The following TCF7L1 variants were observed in gnomAD, a reference collection of about 807,000 sequenced individuals.
The protein encoded by TCF7L1 is transcription factor 7 like 1, also known as transcription factor 7-like 1.
A neutral mutation model predicts 63.7 loss-of-function variants in TCF7L1; 18 were observed. That is an observed-to-expected ratio of 0.28 (90% CI 0.20 to 0.42). The LOEUF (loss-of-function observed/expected upper bound fraction) is 0.42, where lower values mean the gene tolerates loss of function less well. Among genes scored for constraint, TCF7L1 ranks in the 10% least tolerant of loss-of-function variants. The pLI, the probability that TCF7L1 is intolerant of heterozygous loss-of-function variation, is 1.00. For missense variants in TCF7L1, 654 were observed against 779.3 expected (o/e 0.84, Z 1.91); for synonymous variants, 355 against 340.9 (o/e 1.04, Z -0.46).
chr2:85,233,718 T>C (rs1680131229), intron 3 of TCF7L1: 1 of 152,206 alleles, frequency 6.6e-6, no homozygotes, highest in Non-Finnish European at 1.5e-5. Context: ...CAAATTTCCC[T>C]GGGCATCCCC....
intron 3 of TCF7L1, among the ~76,000 whole-genome samples, chr2:85,270,835 G>A (rs902422272): frequency 1.6e-4 from 24 of 151,972 alleles, no homozygotes; most frequent in Admixed American, 3.3e-4. Context: ...GACTACAAGC[G>A]TGCGCCACCA....
At chr2:85,250,142 G>C (rs929787495) in intron 3 of TCF7L1, among the ~76,000 whole-genome samples, 1 of 152,184 alleles carries the variant, frequency 6.6e-6, no homozygotes, top group Non-Finnish European at 1.5e-5. Context: ...AGCTCCTGGT[G>C]GGGAGGATTG....
chr2:85,238,967 G>A (rs1002380041), intron 3 of TCF7L1, among the ~76,000 whole-genome samples: 4 of 151,932 alleles, frequency 2.6e-5, no homozygotes. Flanking sequence ...CTACAGGCGT[G>A]ATCCACCACC....
At chr2:85,144,717 C>CTGTGTGTGTG (rs1383351841) in intron 3 of TCF7L1, among the ~76,000 whole-genome samples, 1 of 98,646 alleles carries the variant, frequency 1.0e-5, no homozygotes, top group Admixed American at 1.0e-4. Context: ...CTCTCTCTCT[C>CTGTGTGTGTG]TCTGTGTGTG....
intron 3 of TCF7L1, among the ~76,000 whole-genome samples, chr2:85,185,192 A>C (rs1444149384): frequency 1.3e-5 from 2 of 152,138 alleles, no homozygotes; most frequent in Non-Finnish European, 2.9e-5. Flanking sequence ...AAGTGACGTA[A>C]TAACCAGCCT....
At chr2:85,283,873 A>T (rs1681482097) in intron 4 of TCF7L1, among the ~76,000 whole-genome samples, 1 of 152,202 alleles carries the variant, frequency 6.6e-6, no homozygotes. Flanking sequence ...CCCGGCTGCC[A>T]TCTGAACCCG....
chr2:85,292,461 T>A (rs1295602133), intron 4 of TCF7L1, among the ~76,000 whole-genome samples: 10 of 152,236 alleles, frequency 6.6e-5, no homozygotes, highest in Admixed American at 6.5e-4. Context: ...AGAACAAAAT[T>A]TAAAAGCTAT....
In TCF7L1 at chr2:85,309,056, C is replaced by G; in HGVS notation, c.1361C>G (p.Pro454Arg). 6.2e-7 allele frequency: 1 copy of G among 1,605,938 alleles called. No individual in the cohort carries two copies. Among genetic ancestry groups the G allele is most frequent in the Non-Finnish European group, 8.5e-7 (1 of 1,175,526 alleles). ...GCCCTGGCCTCCAAGAGCAAGAAGCCATGTGTTCAGTACCTGCCCCCCGAG... is the reference window on the plus strand; with the variant it reads ...GCCCTGGCCTCCAAGAGCAAGAAGCGATGTGTTCAGTACCTGCCCCCCGAG... ...EGALASKSKK[P>R]CVQYLPPEKP... is the part of the protein sequence containing the mutation. Residue 454 changes from proline (P) to arginine (R), a missense_variant, in exon 12 of 12, where the codon CCA (proline) becomes CGA (arginine). Coordinates refer to ENST00000282111, the MANE Select transcript of TCF7L1 (RefSeq NM_031283.3).
At chr2:85,172,625 T>C (rs112002010) in intron 3 of TCF7L1, among the ~76,000 whole-genome samples, 5 of 152,098 alleles carry the variant, frequency 3.3e-5, no homozygotes, top group African/African-American at 1.2e-4. Context: ...GGGGTTTCAC[T>C]ATGTTGGTCA....
intron 3 of TCF7L1, among the ~76,000 whole-genome samples, chr2:85,146,692 C>T (rs545443106): frequency 3.3e-5 from 5 of 151,768 alleles, no homozygotes; most frequent in African/African-American, 1.2e-4. Context: ...TTAGTAGAGA[C>T]GAGATTTCAC....
intron 3 of TCF7L1, among the ~76,000 whole-genome samples, chr2:85,253,969 T>C (rs1680648247): frequency 1.3e-5 from 2 of 152,206 alleles, no homozygotes; most frequent in Admixed American, 6.5e-5. Flanking sequence ...AGCAGGAGAC[T>C]GAGTGGGAGC....
chr2:85,137,321 G>A (rs1019193933), intron 3 of TCF7L1, among the ~76,000 whole-genome samples: 1 of 152,176 alleles, frequency 6.6e-6, no homozygotes, highest in Non-Finnish European at 1.5e-5. Flanking sequence ...CTCCCCATGA[G>A]CCATCACCCT....
intron 3 of TCF7L1, among the ~76,000 whole-genome samples, chr2:85,162,718 G>A (rs1249135529): frequency 2.0e-5 from 3 of 152,086 alleles, no homozygotes; most frequent in Admixed American, 6.6e-5. Flanking sequence ...GTTGTGGTAC[G>A]CCCCGTTTTG....
chr2:85,285,847 C>T (rs1681533870), intron 4 of TCF7L1, among the ~76,000 whole-genome samples: 1 of 152,196 alleles, frequency 6.6e-6, no homozygotes, highest in Non-Finnish European at 1.5e-5. Flanking sequence ...TTTCTCTCTG[C>T]ATATTGTCGC....
At chr2:85,234,469 G>T (rs901500720) in intron 3 of TCF7L1, among the ~76,000 whole-genome samples, 1 of 152,068 alleles carries the variant, frequency 6.6e-6, no homozygotes, top group Non-Finnish European at 1.5e-5. Flanking sequence ...GGAAATTTTG[G>T]TAGAAACTCT....
chr2:85,137,053 C>T (rs939439654), intron 3 of TCF7L1, among the ~76,000 whole-genome samples: 1 of 152,010 alleles, frequency 6.6e-6, no homozygotes, highest in African/African-American at 2.4e-5. Context: ...TATTGTTTGG[C>T]CTCTAAACTG....
chr2:85,208,119 G>A (rs1052603906), intron 3 of TCF7L1, among the ~76,000 whole-genome samples: 1 of 152,106 alleles, frequency 6.6e-6, no homozygotes, highest in African/African-American at 2.4e-5. Context: ...TGTTAGCCAG[G>A]ATGGTCTCGA....
chr2:85,257,010 T>G (rs1680734094), intron 3 of TCF7L1, among the ~76,000 whole-genome samples: 2 of 151,810 alleles, frequency 1.3e-5, no homozygotes, highest in South Asian at 4.2e-4. Flanking sequence ...TATTAAAAAT[T>G]CACTAGAGCC....
intron 11 of TCF7L1, among the ~76,000 whole-genome samples, chr2:85,308,446 T>TCCCTCC (rs1558663508): frequency 1.2e-5 from 1 of 86,518 alleles, no homozygotes; most frequent in African/African-American, 5.2e-5. Flanking sequence ...CCTCCCTTTC[T>TCCCTCC]CTTTCCCTCC....
Sources: allele counts gnomAD v4.1 joint callset (sites outside exome capture counted in the v4.1 genomes callset), GRCh38; gene constraint gnomAD v4.1.1; transcripts MANE v1.5; gene names NCBI Gene and HGNC (gene_info 2026-07-23, HGNC 2026-07-21).